The following SPIRE1 variants were observed in gnomAD, a reference collection of about 807,000 sequenced individuals.
SPIRE1 encodes protein spire homolog 1.
SPIRE1 carries 40 observed loss-of-function variants against 94.1 expected under a neutral mutation model. The observed-to-expected ratio is 0.43, with a 90% CI of 0.33 to 0.55. The LOEUF (loss-of-function observed/expected upper bound fraction) is 0.55, where lower values mean the gene tolerates loss of function less well. Among genes scored for constraint, SPIRE1 ranks in the 20% least tolerant of loss-of-function variants. The pLI is 0.06. For missense variants in SPIRE1, 838 were observed against 975.2 expected, an observed-to-expected ratio of 0.86 and a Z score of 1.87; for synonymous variants, 376 against 371.7, an observed-to-expected ratio of 1.01 and a Z score of -0.13.
At chr18:12,549,272 A>C (rs575022786) in intron 2 of SPIRE1, among the ~76,000 whole-genome samples, 3 of 152,272 alleles carry the variant, frequency 2.0e-5, no homozygotes, top group South Asian at 2.1e-4. Context: ...TCAAAAAGTT[A>C]GATTACATTC....
chr18:12,553,426 C>T (rs888938987), intron 2 of SPIRE1, among the ~76,000 whole-genome samples: 1 of 152,154 alleles, frequency 6.6e-6, no homozygotes, highest in African/African-American at 2.4e-5. Flanking sequence ...CAATGAACAT[C>T]AGCAGTAGCC....
At chr18:12,541,745 G>A (rs780917620) in intron 3 of SPIRE1, among the ~76,000 whole-genome samples, 13 of 151,772 alleles carry the variant, frequency 8.6e-5, no homozygotes, top group Non-Finnish European at 1.5e-4. Flanking sequence ...TATTTTTAAT[G>A]CAGTCTAAAA....
At chr18:12,450,993 A>G in intron 16 of SPIRE1, 3 of 584,356 alleles carry the variant, frequency 5.1e-6, no homozygotes, top group Admixed American at 2.3e-5. Flanking sequence ...GAAGAGGAAG[A>G]TGAAGATGAA....
chr18:12,548,917 C>T (rs879539437), intron 2 of SPIRE1, among the ~76,000 whole-genome samples: 11 of 152,124 alleles, frequency 7.2e-5, no homozygotes, highest in Non-Finnish European at 1.0e-4. Flanking sequence ...GCACTATTTT[C>T]TATTATAAAA....
At chr18:12,607,596 TACACACACACACAC>T (rs34187168) in intron 2 of SPIRE1, among the ~76,000 whole-genome samples, 42 of 146,288 alleles carry the variant, frequency 2.9e-4, no homozygotes, top group Admixed American at 4.1e-4. Context: ...TCCACAGCAC[TACACACACACACAC>T]ACACACACAC....
At chr18:12,641,784 A>C (rs2144851828) in intron 1 of SPIRE1, among the ~76,000 whole-genome samples, 1 of 152,036 alleles carries the variant, frequency 6.6e-6, no homozygotes, top group East Asian at 1.9e-4. Context: ...TTCCCCCAAC[A>C]AAATCATCTT....
chr18:12,602,708 C>T (rs2036871328), intron 2 of SPIRE1, among the ~76,000 whole-genome samples: 1 of 152,204 alleles, frequency 6.6e-6, no homozygotes, highest in African/African-American at 2.4e-5. Context: ...ATCAGGTCTA[C>T]TGTGTAAGGC....
At chr18:12,475,329 C>T (rs895211296) in intron 10 of SPIRE1, among the ~76,000 whole-genome samples, 3 of 152,164 alleles carry the variant, frequency 2.0e-5, no homozygotes, top group Admixed American at 6.5e-5. Context: ...TGTCCAGTCA[C>T]ATTCTACATA....
chr18:12,556,195 A>G (rs2035499107), intron 2 of SPIRE1, among the ~76,000 whole-genome samples: 1 of 152,208 alleles, frequency 6.6e-6, no homozygotes. Flanking sequence ...ATGTTCATGG[A>G]TTGGAAGAAT....
intron 2 of SPIRE1, among the ~76,000 whole-genome samples, chr18:12,592,770 C>A (rs955597928): frequency 2.0e-5 from 3 of 152,206 alleles, no homozygotes; most frequent in Admixed American, 6.5e-5. Flanking sequence ...GACAACCAAC[C>A]CATCCTCACC....
intron 2 of SPIRE1, among the ~76,000 whole-genome samples, chr18:12,555,167 C>T (rs1282345956): frequency 1.3e-5 from 2 of 152,134 alleles, no homozygotes; most frequent in Admixed American, 1.3e-4. Flanking sequence ...ATCTCCTCAG[C>T]TGCAGGCACC....
At chr18:12,619,551 T>TA (rs920337496) in intron 2 of SPIRE1, among the ~76,000 whole-genome samples, 1 of 148,406 alleles carries the variant, frequency 6.7e-6, no homozygotes, top group African/African-American at 2.5e-5. Flanking sequence ...AAATAAAAAA[T>TA]AAAAAAATAA....
rs780787945 is a variant in SPIRE1 at position 12,546,680 on chromosome 18, G to A, written c.597C>T (p.Val199=). ...GCATAAAACGCTGCCTTACCTTCAT[G>A]ACATCTCTATATGACCGAATAGCTG... is the stretch of plus-strand genomic sequence containing the variant. ...KISAIRSYRD[V]MKLCAAHLPT... The change falls in exon 3 of 17, where the codon GTC becomes GTT. Residue 199 remains valine, a synonymous_variant. Coordinates refer to ENST00000409402, the MANE Select transcript of SPIRE1 (RefSeq NM_001128626.2). 2 of 1,610,298 alleles carry A rather than the reference G, an allele frequency of 1.2e-6. No homozygotes were observed. Among genetic ancestry groups the A allele is most frequent in the South Asian group, 2.2e-5 (2 of 90,950 alleles).
At chr18:12,590,741 G>C (rs1347125374) in intron 2 of SPIRE1, among the ~76,000 whole-genome samples, 1 of 152,134 alleles carries the variant, frequency 6.6e-6, no homozygotes, top group East Asian at 1.9e-4. Flanking sequence ...ACTCTCAAGC[G>C]GGGGCAGGAG....
At chr18:12,584,883 G>A (rs1394394415) in intron 2 of SPIRE1, among the ~76,000 whole-genome samples, 1 of 152,264 alleles carries the variant, frequency 6.6e-6, no homozygotes, top group African/African-American at 2.4e-5. Flanking sequence ...GGGTTCAAGC[G>A]ATTCTCCTGC....
chr18:12,530,945 A>G (rs1054922785), intron 4 of SPIRE1, among the ~76,000 whole-genome samples: 1 of 152,228 alleles, frequency 6.6e-6, no homozygotes, highest in African/African-American at 2.4e-5. Flanking sequence ...AATGATGGCT[A>G]GAGCATGCTA....
chr18:12,615,542 C>CAAAAAAAAAA (rs71174108), intron 2 of SPIRE1, among the ~76,000 whole-genome samples: 2 of 75,790 alleles, frequency 2.6e-5, no homozygotes, highest in African/African-American at 4.5e-5. Flanking sequence ...TCTATCTCCA[C>CAAAAAAAAAA]AAAAAAAAAA....
intron 6 of SPIRE1, among the ~76,000 whole-genome samples, chr18:12,504,257 A>T (rs2033759533): frequency 6.8e-6 from 1 of 147,490 alleles, no homozygotes; most frequent in Non-Finnish European, 1.5e-5. Context: ...CTGTAATCCT[A>T]GCACTTTGGG....
chr18:12,520,875 G>A (rs1311303326), intron 4 of SPIRE1, among the ~76,000 whole-genome samples: 2 of 152,122 alleles, frequency 1.3e-5, no homozygotes, highest in Non-Finnish European at 2.9e-5. Flanking sequence ...GACGTCTTGG[G>A]GCTTTTTCTT....
Sources: allele counts gnomAD v4.1 joint callset (sites outside exome capture counted in the v4.1 genomes callset), GRCh38; gene constraint gnomAD v4.1.1; transcripts MANE v1.5; gene names NCBI Gene and HGNC (gene_info 2026-07-23, HGNC 2026-07-21).